The following PAFAH1B1 variants were observed in gnomAD, a reference collection of about 807,000 sequenced individuals.
PAFAH1B1 encodes platelet activating factor acetylhydrolase 1b regulatory subunit 1, also known as platelet-activating factor acetylhydrolase IB subunit beta.
Under a neutral mutation model 57.5 loss-of-function variants are expected in PAFAH1B1, and 2 were observed. The observed-to-expected ratio is 0.03, with a 90% CI of 0.01 to 0.11. The LOEUF is 0.11. Among genes scored for constraint, PAFAH1B1 ranks in the 10% least tolerant of loss-of-function variants. PAFAH1B1 has a pLI of 1.00. For synonymous variants in PAFAH1B1, 152 were observed against 169.6 expected (o/e 0.90, Z 0.81); for missense variants, 257 against 512.0 (o/e 0.50, Z 4.81).
intron 1 of PAFAH1B1, among the ~76,000 whole-genome samples, chr17:2,596,403 G>T (rs571195115): frequency 6.6e-6 from 1 of 152,052 alleles, no homozygotes; most frequent in African/African-American, 2.4e-5. Flanking sequence ...AAAAGGTGGG[G>T]AAAAAAGGAT....
chr17:2,622,580 C>T (rs1007046080), intron 1 of PAFAH1B1, among the ~76,000 whole-genome samples: 7 of 152,196 alleles, frequency 4.6e-5, no homozygotes, highest in East Asian at 3.8e-4. Context: ...TCTGCTCCTG[C>T]GGCTTTGCAG....
chr17:2,604,920 T>C (rs987765346), intron 1 of PAFAH1B1, among the ~76,000 whole-genome samples: 1 of 152,212 alleles, frequency 6.6e-6, no homozygotes, highest in Non-Finnish European at 1.5e-5. Context: ...GGTAATAGTT[T>C]GGCAGAGGGG....
chr17:2,612,294 C>G (rs1027237678), intron 1 of PAFAH1B1, among the ~76,000 whole-genome samples: 1 of 151,240 alleles, frequency 6.6e-6, no homozygotes, highest in African/African-American at 2.4e-5. Flanking sequence ...ACCTCCGCCT[C>G]GTGGGTTCGA....
At chr17:2,628,751 C>T (rs1437172539) in intron 1 of PAFAH1B1, among the ~76,000 whole-genome samples, 8 of 152,120 alleles carry the variant, frequency 5.3e-5, no homozygotes, top group East Asian at 1.9e-4. Context: ...TCTTAATTAC[C>T]GTTTCAGTGT....
chr17:2,681,865 T>G lies in PAFAH1B1; in HGVS notation c.*63T>G. 1 of 1,131,214 alleles carries G rather than the reference T, an allele frequency of 8.8e-7. No homozygotes were observed. Among genetic ancestry groups the G allele is most frequent in the Non-Finnish European group, 1.3e-6 (1 of 754,862 alleles). 70.1% of individuals were successfully genotyped at this position (1,131,214 alleles called of 1,614,324 possible). Reference sequence around the variant, plus strand: ...GGATGCACTCTGATGATACCATGGTTACCCCATTGAGCTCTGTTTAAATAA... The same window carrying G: ...GGATGCACTCTGATGATACCATGGTGACCCCATTGAGCTCTGTTTAAATAA... On this transcript the variant is annotated 3_prime_UTR_variant, in exon 11 of 11. Coordinates refer to ENST00000397195, the MANE Select transcript of PAFAH1B1 (RefSeq NM_000430.4).
At chr17:2,613,064 G>A (rs2068286198) in intron 1 of PAFAH1B1, among the ~76,000 whole-genome samples, 1 of 143,872 alleles carries the variant, frequency 7.0e-6, no homozygotes, top group Admixed American at 6.9e-5. Flanking sequence ...AAAAAAAGGT[G>A]AAATTCAAAT....
At chr17:2,678,416 A>AC (rs2069307449) in intron 9 of PAFAH1B1, among the ~76,000 whole-genome samples, 1 of 147,798 alleles carries the variant, frequency 6.8e-6, no homozygotes, top group African/African-American at 2.5e-5. Context: ...AAAAAAAAAA[A>AC]AAACCCGGGC....
At chr17:2,613,439 C>A in intron 1 of PAFAH1B1, 1 of 241,894 alleles carries the variant, frequency 4.1e-6, no homozygotes, top group East Asian at 8.7e-5. Context: ...GCTGAGTTCC[C>A]TCTCTGGGGC....
At chr17:2,594,802 C>T (rs1401032466) in intron 1 of PAFAH1B1, among the ~76,000 whole-genome samples, 3 of 152,232 alleles carry the variant, frequency 2.0e-5, no homozygotes, top group African/African-American at 7.2e-5. Context: ...AATCTCATCT[C>T]CCTGCCCCTT....
intron 1 of PAFAH1B1, among the ~76,000 whole-genome samples, chr17:2,628,179 A>T (rs1175269386): frequency 6.6e-6 from 1 of 152,124 alleles, no homozygotes; most frequent in Non-Finnish European, 1.5e-5. Context: ...AATGCTTTCA[A>T]CTTTTCCCCT....
At chr17:2,657,362 A>T (rs1282367515) in intron 2 of PAFAH1B1, among the ~76,000 whole-genome samples, 1 of 152,136 alleles carries the variant, frequency 6.6e-6, no homozygotes, top group Non-Finnish European at 1.5e-5. Flanking sequence ...CTCCTGCCTC[A>T]GCCTCCCAAG....
chr17:2,665,229 T>A (rs537542584), intron 2 of PAFAH1B1, 143 bp from the exon 3 acceptor site: 87 of 644,874 alleles, frequency 1.3e-4, no homozygotes, highest in Middle Eastern at 1.2e-3. Context: ...GGGGTGTCCT[T>A]TTTAATGAAA....
chr17:2,669,184 T>C (rs778846972), intron 5 of PAFAH1B1, among the ~76,000 whole-genome samples: 1 of 152,132 alleles, frequency 6.6e-6, no homozygotes, highest in Non-Finnish European at 1.5e-5. Flanking sequence ...CTAGGTATTA[T>C]AAAATGAGGA....
intron 2 of PAFAH1B1, among the ~76,000 whole-genome samples, chr17:2,653,813 A>T (rs998446442): frequency 1.8e-4 from 28 of 151,884 alleles, no homozygotes; most frequent in Non-Finnish European, 4.0e-4. Flanking sequence ...TTTTAAATTT[A>T]TTATTATTTT....
At chr17:2,607,806 T>A (rs750809736) in intron 1 of PAFAH1B1, among the ~76,000 whole-genome samples, 4 of 152,142 alleles carry the variant, frequency 2.6e-5, no homozygotes, top group Non-Finnish European at 4.4e-5. Context: ...TTTGTACTTC[T>A]TTCCAATTGT....
intron 1 of PAFAH1B1, among the ~76,000 whole-genome samples, chr17:2,602,993 A>G (rs887168113): frequency 6.6e-5 from 10 of 152,190 alleles, no homozygotes; most frequent in African/African-American, 1.9e-4. Flanking sequence ...GTCTTCAGTC[A>G]CTTCAAGTTT....
intron 1 of PAFAH1B1, among the ~76,000 whole-genome samples, chr17:2,624,391 C>T (rs563982135): frequency 9.0e-4 from 137 of 152,222 alleles, no homozygotes; most frequent in Non-Finnish European, 1.6e-3. Flanking sequence ...TGTATTAGTT[C>T]GTTTTCTTGC....
intron 1 of PAFAH1B1, among the ~76,000 whole-genome samples, chr17:2,616,750 C>T (rs377473172): frequency 1.2e-4 from 19 of 152,090 alleles, no homozygotes; most frequent in African/African-American, 4.1e-4. Context: ...TCATAATGTA[C>T]ATTTGGGACT....
rs2069457083 is a variant in PAFAH1B1, at chr17:2,685,239, TATC to T, written c.*3440_*3442del. 1 of 152,556 alleles carries T rather than the reference TATC, an allele frequency of 6.6e-6. No homozygotes were observed. Among genetic ancestry groups the T allele is most frequent in the Admixed American group, 6.5e-5 (1 of 15,286 alleles). The allele number at this position is 152,556 out of a possible 1,614,324, so 9.5% of individuals were successfully genotyped here. On this transcript the variant is annotated 3_prime_UTR_variant, in exon 11 of 11. Transcript: ENST00000397195. ...AATGGGCCTTTTTATCTTCCCACTG[TATC>T]ATGGAAGTAGCTGCTTGCTTGTACT...
Sources: allele counts gnomAD v4.1 joint callset (sites outside exome capture counted in the v4.1 genomes callset), GRCh38; gene constraint gnomAD v4.1.1; transcripts MANE v1.5; gene names NCBI Gene and HGNC (gene_info 2026-07-23, HGNC 2026-07-21).